The following LTBP1 variants were observed in gnomAD, a reference collection of about 807,000 sequenced individuals.
The protein encoded by LTBP1 is latent transforming growth factor beta binding protein 1.
In LTBP1, 129 loss-of-function variants were observed where a neutral mutation model predicts 207.6. The ratio of observed to expected loss-of-function variants is 0.62; its 90% CI spans 0.54 to 0.72. The LOEUF (loss-of-function observed/expected upper bound fraction) is 0.72, where lower values mean the gene tolerates loss of function less well. Among genes scored for constraint, LTBP1 ranks in the 30% least tolerant of loss-of-function variants. The pLI is 0.00. For synonymous variants in LTBP1, 963 were observed against 833.7 expected, an observed-to-expected ratio of 1.16 and a Z score of -2.67; for missense variants, 2,281 against 2,217.2, an observed-to-expected ratio of 1.03 and a Z score of -0.58.
intron 31 of LTBP1, among the ~76,000 whole-genome samples, chr2:33,366,788 T>C (rs2094994073): frequency 6.6e-6 from 1 of 152,196 alleles, no homozygotes; most frequent in South Asian, 2.1e-4. Context: ...TTTCGGGCCC[T>C]GGAAGCAGAT....
chr2:32,980,298 T>C (rs1333735513), intron 2 of LTBP1, among the ~76,000 whole-genome samples: 1 of 152,148 alleles, frequency 6.6e-6, no homozygotes, highest in African/African-American at 2.4e-5. Flanking sequence ...ATTTCTCACT[T>C]TTTATTTTTT....
At chr2:33,182,930 G>A (rs2086821071) in intron 5 of LTBP1, among the ~76,000 whole-genome samples, 1 of 147,004 alleles carries the variant, frequency 6.8e-6, no homozygotes, top group African/African-American at 2.5e-5. Context: ...GAAAAAAATA[G>A]TACAGCTAAT....
At chr2:33,326,256 C>G (rs570700287) in intron 24 of LTBP1, among the ~76,000 whole-genome samples, 2 of 152,302 alleles carry the variant, frequency 1.3e-5, no homozygotes, top group East Asian at 3.9e-4. Context: ...CGCAGCACCT[C>G]TCAACTCCAC....
rs746937133 is a variant in LTBP1 at position 33,263,435 on chromosome 2, G to T, written c.2617+43G>T. On this transcript the variant is annotated intron_variant, in intron 15 of 33. Coordinates refer to ENST00000404816, the MANE Select transcript of LTBP1 (RefSeq NM_206943.4). ...ACATTATATATCACATGGAGGAGAC[G>T]TGGGGCTGAGCTTCATTTTAAATGT... 6 of 1,400,986 alleles carry T rather than the reference G, an allele frequency of 4.3e-6. No individual in the cohort carries two copies. The Admixed American group carries it at 8.5e-5, about 20-fold the overall frequency. The allele number at this position is 1,400,986 out of a possible 1,614,324, so 86.8% of individuals were successfully genotyped here. A position where few individuals can be genotyped will look rare whatever the true frequency, so the allele number is the denominator to read the frequency against.
chr2:33,021,910 C>G (rs2075192696), intron 3 of LTBP1, among the ~76,000 whole-genome samples: 1 of 152,178 alleles, frequency 6.6e-6, no homozygotes, highest in African/African-American at 2.4e-5. Flanking sequence ...GCACCGGGTC[C>G]TTAAACAAAT....
chr2:33,352,575 G>A (rs6705559), intron 26 of LTBP1, among the ~76,000 whole-genome samples: 5,947 of 152,060 alleles, frequency 0.039, 334 homozygotes, highest in African/African-American at 0.13. Context: ...TCCCTGTTGC[G>A]GATGCTACTT....
intron 2 of LTBP1, among the ~76,000 whole-genome samples, chr2:33,011,027 C>A (rs1332615347): frequency 6.6e-6 from 1 of 152,086 alleles, no homozygotes; most frequent in East Asian, 1.9e-4. Flanking sequence ...CTAATCCATT[C>A]TTTACTTGTT....
At chr2:33,025,247 C>G (rs890804559) in intron 3 of LTBP1, among the ~76,000 whole-genome samples, 13 of 152,110 alleles carry the variant, frequency 8.5e-5, no homozygotes, top group African/African-American at 2.4e-4. Flanking sequence ...AAGTATGCTG[C>G]ACTGCTTAAA....
chr2:32,962,770 G>A (rs953792764), intron 2 of LTBP1, among the ~76,000 whole-genome samples: 5 of 152,168 alleles, frequency 3.3e-5, no homozygotes, highest in Non-Finnish European at 7.3e-5. Flanking sequence ...ACTTAGCCTC[G>A]TGGCTCTCAA....
intron 24 of LTBP1, among the ~76,000 whole-genome samples, chr2:33,328,445 T>C (rs2094456184): frequency 6.6e-6 from 1 of 151,940 alleles, no homozygotes; most frequent in Admixed American, 6.6e-5. Context: ...AGGAAAGAGG[T>C]TTAATTAATT....
chr2:32,981,479 C>A (rs1682756508), intron 2 of LTBP1, among the ~76,000 whole-genome samples: 1 of 152,120 alleles, frequency 6.6e-6, no homozygotes, highest in South Asian at 2.1e-4. Flanking sequence ...TGGATCTATG[C>A]AGAGTTGATG....
intron 5 of LTBP1, among the ~76,000 whole-genome samples, chr2:33,175,679 A>G (rs1205289439): frequency 6.6e-6 from 1 of 152,168 alleles, no homozygotes; most frequent in African/African-American, 2.4e-5. Flanking sequence ...ACTATAAATC[A>G]TGCTGCTATG....
At chr2:33,159,476 T>G (rs2084276898) in intron 5 of LTBP1, among the ~76,000 whole-genome samples, 1 of 152,222 alleles carries the variant, frequency 6.6e-6, no homozygotes, top group South Asian at 2.1e-4. Flanking sequence ...CTCCATCTCT[T>G]CTATTTCTTA....
rs549363418 is a variant in LTBP1 at position 33,220,918 on chromosome 2, G to A, written c.1805-1162G>A. On this transcript the variant is annotated intron_variant, in intron 8 of 33. Coordinates refer to ENST00000404816, the MANE Select transcript of LTBP1 (RefSeq NM_206943.4). The stretch of plus-strand genomic sequence containing the variant: ...AAGAAAAGAATTGAAGGAGAAGAGG[G>A]ACACCCCAGTACATATTCACCCTGT... Among the ~76,000 whole-genome samples, 3 of 152,186 alleles carry A rather than the reference G, an allele frequency of 2.0e-5. No homozygotes were observed. The South Asian group carries it at 6.2e-4, about 32-fold the overall frequency.
rs771138778 is a variant in LTBP1, at chr2:33,389,174, T to G, written c.4712-10T>G. 1.9e-6 allele frequency: 3 copies of G among 1,614,104 alleles called. No homozygotes were observed. In the South Asian group the frequency reaches 3.3e-5, roughly 18 times the overall value. ...GTGGTGGGGCCTCATGCTGCTTGTC[T>G]ACTCCTTAGATGACTATGCTCAGCT... On this transcript the variant is annotated splice_polypyrimidine_tract_variant and intron_variant, in intron 31 of 33. Transcript: ENST00000404816.
chr2:32,991,337 A>C (rs1039039805), intron 2 of LTBP1, among the ~76,000 whole-genome samples: 12 of 152,226 alleles, frequency 7.9e-5, no homozygotes, highest in African/African-American at 2.9e-4. Context: ...TTGTAAATAA[A>C]CTGTCATGAT....
chr2:33,302,149 C>T (rs1197548640), intron 22 of LTBP1, among the ~76,000 whole-genome samples: 2 of 152,190 alleles, frequency 1.3e-5, no homozygotes, highest in Non-Finnish European at 2.9e-5. Context: ...AAGCTCTCTG[C>T]AGTGGTTGGG....
At chr2:33,228,913 A>C (rs936022884) in intron 9 of LTBP1, among the ~76,000 whole-genome samples, 4 of 151,540 alleles carry the variant, frequency 2.6e-5, no homozygotes, top group Non-Finnish European at 5.9e-5. Flanking sequence ...GTTTGCCAGG[A>C]TGGTTTTGAT....
chr2:33,088,974 G>A (rs1227546738), intron 3 of LTBP1, among the ~76,000 whole-genome samples: 1 of 151,920 alleles, frequency 6.6e-6, no homozygotes, highest in Admixed American at 6.6e-5. Context: ...TGGCCAACAT[G>A]TTGAAACCCT....
Sources: gnomAD v4.1 joint callset for allele counts (sites outside exome capture counted in the v4.1 genomes callset) on GRCh38, gnomAD v4.1.1 for gene constraint, MANE v1.5 for transcripts, NCBI Gene and HGNC (gene_info 2026-07-23, HGNC 2026-07-21) for gene names.